Variants in CPLX1 observed in about 807,000 individuals in gnomAD.
CPLX1 encodes complexin 1, also known as complexin-1.
Under a neutral mutation model 15.6 loss-of-function variants are expected in CPLX1, and 6 were observed. That is an observed-to-expected ratio of 0.39 (90% CI 0.21 to 0.76). CPLX1 has a LOEUF of 0.76. Among genes scored for constraint, CPLX1 ranks in the 30% least tolerant of loss-of-function variants. The pLI is 0.43. For missense variants in CPLX1, 242 were observed against 188.6 expected, an observed-to-expected ratio of 1.28 and a Z score of -1.66; for synonymous variants, 91 against 75.2, an observed-to-expected ratio of 1.21 and a Z score of -1.08.
intron 3 of CPLX1, among the ~76,000 whole-genome samples, chr4:791,904 G>A (rs1460033189): frequency 6.6e-6 from 1 of 152,238 alleles, no homozygotes; most frequent in Non-Finnish European, 1.5e-5. Flanking sequence ...CGAGGAAGCC[G>A]GAGCGGCTGT....
chr4:794,519 G>C (rs1746277502), intron 2 of CPLX1, among the ~76,000 whole-genome samples: 6 of 152,252 alleles, frequency 3.9e-5, no homozygotes, highest in Admixed American at 3.9e-4. Flanking sequence ...GGTCACAGTA[G>C]AGTTGCTCCT....
intron 3 of CPLX1, chr4:788,050 TG>T (rs1268619794): frequency 1.0e-6 from 1 of 984,668 alleles, no homozygotes; most frequent in Non-Finnish European, 1.2e-6. Context: ...AGGAGGGGAG[TG>T]GGCACCAGCA....
chr4:802,366 G>A (rs1383675195), intron 2 of CPLX1, among the ~76,000 whole-genome samples: 2 of 152,174 alleles, frequency 1.3e-5, no homozygotes, highest in Non-Finnish European at 2.9e-5. Context: ...AGAAAATGTA[G>A]ATTGCCTGGG....
chr4:798,396 G>A (rs1006748507), intron 2 of CPLX1, among the ~76,000 whole-genome samples: 1 of 151,948 alleles, frequency 6.6e-6, no homozygotes, highest in Non-Finnish European at 1.5e-5. Flanking sequence ...ATTCAATGAG[G>A]GTGAGGATAG....
chr4:824,653 C>T, intron 1 of CPLX1, 52 bp from the exon 2 acceptor site: 2 of 934,420 alleles, frequency 2.1e-6, no homozygotes, highest in South Asian at 1.3e-5. Flanking sequence ...CCCTGCCTGG[C>T]CTTCCCCAGA....
chr4:797,121 A>T (rs778773585), intron 2 of CPLX1, among the ~76,000 whole-genome samples: 9 of 152,222 alleles, frequency 5.9e-5, no homozygotes, highest in Non-Finnish European at 1.0e-4. Flanking sequence ...ACTAAACATG[A>T]ATCCCAAATA....
At chr4:803,357 G>C (rs1746493698) in intron 2 of CPLX1, among the ~76,000 whole-genome samples, 2 of 152,102 alleles carry the variant, frequency 1.3e-5, no homozygotes, top group African/African-American at 4.8e-5. Context: ...ACAGTGCCCT[G>C]GAAGGCGACA....
rs1746522560 is a variant in CPLX1, at chr4:804,783, G to C, written c.32-12175C>G. On this transcript the variant is annotated intron_variant, in intron 2 of 3. Coordinates refer to ENST00000304062, the MANE Select transcript of CPLX1 (RefSeq NM_006651.4). ...TGCGGGGGCTCGGGAAGTGCCTGCAGAGTCCCAGAGACGGCTCTGGCGGTC... is the reference window on the plus strand; with the variant it reads ...TGCGGGGGCTCGGGAAGTGCCTGCACAGTCCCAGAGACGGCTCTGGCGGTC... 4.1e-6 allele frequency: 4 copies of C among 985,448 alleles called. No homozygotes were observed. The South Asian group carries it at 1.9e-4, about 46-fold the overall frequency. 61.0% of individuals were successfully genotyped at this position (985,448 alleles called of 1,614,324 possible).
At chr4:786,989 C>G in intron 3 of CPLX1, 1 of 985,396 alleles carries the variant, frequency 1.0e-6, no homozygotes, top group Non-Finnish European at 1.2e-6. Context: ...ACCTCTGGCT[C>G]CAAACCCAGC....
chr4:795,630 C>A (rs926417721), intron 2 of CPLX1, among the ~76,000 whole-genome samples: 1 of 152,186 alleles, frequency 6.6e-6, no homozygotes, highest in Non-Finnish European at 1.5e-5. Context: ...AGCTTCCCCC[C>A]GTGAGAGGTG....
intron 2 of CPLX1, among the ~76,000 whole-genome samples, chr4:802,323 C>T (rs148719847): frequency 1.8e-4 from 28 of 152,312 alleles, no homozygotes; most frequent in African/African-American, 4.8e-4. Flanking sequence ...CATGTATGTA[C>T]ATTTGGGTGC....
chr4:815,782 T>G (rs1481945154), intron 2 of CPLX1, among the ~76,000 whole-genome samples: 3 of 152,202 alleles, frequency 2.0e-5, no homozygotes, highest in African/African-American at 7.2e-5. Flanking sequence ...GATACAGTGT[T>G]TGCCACTGCA....
chr4:807,266 T>C (rs963885013), intron 2 of CPLX1, among the ~76,000 whole-genome samples: 2 of 151,656 alleles, frequency 1.3e-5, no homozygotes, highest in Non-Finnish European at 2.9e-5. Context: ...TAAGTGGGAG[T>C]TGAACATTGA....
At chr4:815,182 G>A (rs1481360531) in intron 2 of CPLX1, among the ~76,000 whole-genome samples, 2 of 152,080 alleles carry the variant, frequency 1.3e-5, no homozygotes, top group Non-Finnish European at 2.9e-5. Context: ...AGGCTGAGGC[G>A]GGTGGATCAT....
At position 798,059 on chromosome 4, in the gene CPLX1, G is replaced by C. The variant is rs953957306; in HGVS notation, c.32-5451C>G. Among the ~76,000 whole-genome samples the C allele has an allele frequency of 2.8e-4, 43 of 152,178 alleles. 1 individual carries two copies. Among genetic ancestry groups the C allele is most frequent in the Non-Finnish European group, 2.9e-5 (2 of 68,034 alleles). ...GGAGGCCGAGGTGGGTGGATCACCT[G>C]AGCTCAGGAGTTCAAGACAAGCCTG... On this transcript the variant is annotated intron_variant, in intron 2 of 3. Transcript: ENST00000304062.
At chr4:823,230 C>T (rs947972264) in intron 2 of CPLX1, among the ~76,000 whole-genome samples, 4 of 152,202 alleles carry the variant, frequency 2.6e-5, no homozygotes, top group African/African-American at 4.8e-5. Context: ...AGCCCGGTGA[C>T]GCAGCCATTA....
chr4:799,976 G>A (rs1343440865), intron 2 of CPLX1, among the ~76,000 whole-genome samples: 2 of 152,322 alleles, frequency 1.3e-5, no homozygotes, highest in African/African-American at 2.4e-5. Context: ...ACCCCAACTC[G>A]AAGCCGGTCG....
rs1746210379 is a variant in CPLX1 at position 792,458 on chromosome 4, G to A, written c.182C>T (p.Ala61Val). Residue 61 changes from alanine (A) to valine (V), a missense_variant, in exon 3 of 4, where the codon GCC (alanine) becomes GTC (valine). By Grantham distance (64) the Ala-to-Val change is moderately conservative. Coordinates refer to ENST00000304062, the MANE Select transcript of CPLX1 (RefSeq NM_006651.4). Reference protein sequence around the residue: ...KYAKMEAEREAVRQGIRDKYG... With the variant: ...KYAKMEAEREVVRQGIRDKYG... ...CTTGTCTCGGATGCCCTGGCGCACG[G>A]CCTCGCGCTCCGCCTCCATCTTGGC... 6.2e-7 allele frequency: 1 copy of A among 1,606,408 alleles called. No homozygotes were observed. Among genetic ancestry groups the A allele is most frequent in the Non-Finnish European group, 8.5e-7 (1 of 1,177,030 alleles).
chr4:793,889 G>T (rs753752411), intron 2 of CPLX1, among the ~76,000 whole-genome samples: 1 of 152,220 alleles, frequency 6.6e-6, no homozygotes. Flanking sequence ...GATGTCAGGT[G>T]AAATTGTGGG....
Sources: allele counts gnomAD v4.1 joint callset (sites outside exome capture counted in the v4.1 genomes callset), GRCh38; gene constraint gnomAD v4.1.1; transcripts MANE v1.5; gene names NCBI Gene and HGNC (gene_info 2026-07-23, HGNC 2026-07-21).